Variants in LAMA5 observed in about 807,000 individuals in gnomAD.
LAMA5 encodes the protein laminin subunit alpha 5.
A neutral mutation model predicts 433.4 loss-of-function variants in LAMA5; 260 were observed. That is an observed-to-expected ratio of 0.60 (90% CI 0.54 to 0.66). LAMA5 has a LOEUF of 0.66. Ranked by LOEUF, LAMA5 falls within the 30% of genes least tolerant of loss-of-function variation. LAMA5 has a pLI of 0.00. For synonymous variants in LAMA5, 2,620 were observed against 2,226.6 expected, an observed-to-expected ratio of 1.18 and a Z score of -4.97; for missense variants, 5,378 against 5,258.5, an observed-to-expected ratio of 1.02 and a Z score of -0.70.
rs750555882 is a variant in LAMA5, at chr20:62,333,993, C to G, written c.2786G>C (p.Trp929Ser). The G allele has an allele frequency of 1.2e-5, 19 of 1,612,924 alleles. No individual in the cohort carries two copies. Among genetic ancestry groups the G allele is most frequent in the African/African-American group, 8.0e-5 (6 of 74,934 alleles). The change falls in exon 23 of 80, where the codon TGG (tryptophan) becomes TCG (serine). Residue 929 changes from tryptophan (W) to serine (S), a missense_variant. Coordinates refer to ENST00000252999, the MANE Select transcript of LAMA5 (RefSeq NM_005560.6). ...CCGGTTGACGTATCGGAAGACGAGC[C>G]AGAAAAGGTCAGGGGAGGTCAGGTT... Reference protein sequence around the residue: ...RLNLTSPDLFWLVFRYVNRGA... With the variant: ...RLNLTSPDLFSLVFRYVNRGA...
In LAMA5 at chr20:62,362,582, C is replaced by T. The variant is rs748830304; in HGVS notation, c.298-30G>A. ...AGAGGGAACGGGAGGGTCAGATAGC[C>T]GAGAAGGGCCGGGGCCCCCTTCCTC... On this transcript the variant is annotated intron_variant, in intron 1 of 79. Transcript: ENST00000252999. 2.6e-5 allele frequency: 38 copies of T among 1,474,316 alleles called. No homozygotes were observed. In the South Asian group the frequency reaches 4.1e-4, roughly 16 times the overall value. The allele number at this position is 1,474,316 out of a possible 1,614,324, so 91.3% of individuals were successfully genotyped here.
Position 62,337,650 on chromosome 20 carries a change from C to T in LAMA5, c.2104G>A (p.Val702Met), listed in dbSNP as rs760468601. ...RSGQCSCRPR[V>M]TGLRCDTCVP... ...CATGTGTCACACCGCAGCCCCGTCA[C>T]ACGGGGCCGGCAGCTGCACTGCCCA... is the stretch of plus-strand genomic sequence containing the variant. The change falls in exon 16 of 80, where the codon GTG (valine) becomes ATG (methionine). Residue 702 changes from valine (V) to methionine (M), a missense_variant. By Grantham distance (21) the Val-to-Met change is conservative. Coordinates refer to ENST00000252999, the MANE Select transcript of LAMA5 (RefSeq NM_005560.6). The T allele has an allele frequency of 6.2e-7, 1 of 1,612,224 alleles. No homozygotes were observed. The highest frequency in any genetic ancestry group is 1.3e-5 in the African/African-American group (1 of 74,942).
chr20:62,346,376 TG>T, intron 9 of LAMA5, 129 bp downstream of exon 9: 3 of 1,356,626 alleles, frequency 2.2e-6, no homozygotes, highest in Non-Finnish European at 3.0e-6. Flanking sequence ...CCCCGTGGCC[TG>T]GGAGGCTCCT....
rs1230711116 is a variant in LAMA5 at position 62,359,107 on chromosome 20, C to G, written c.450+3293G>C. Among the ~76,000 whole-genome samples, 1 of 152,212 alleles carries G rather than the reference C, an allele frequency of 6.6e-6. No homozygotes were observed. The highest frequency in any genetic ancestry group is 1.5e-5 in the Non-Finnish European group (1 of 68,024). On this transcript the variant is annotated intron_variant, in intron 2 of 79. Transcript: ENST00000252999. This position sits in a 1 kb window ranked among gnomAD's most constrained non-coding sequence, Gnocchi z 4.3. ...GGGGACTGGGACAAAGCCGCTACCC[C>G]ACCTGTAGCACCTGCAGCGTGGCCT...
At chr20:62,309,501 A>T in intron 79 of LAMA5, 26 bp from the exon 80 acceptor site, 1 of 1,550,176 alleles carries the variant, frequency 6.5e-7, no homozygotes, top group Non-Finnish European at 8.7e-7. Flanking sequence ...AGATGGAAGA[A>T]GGCTGGTTGG....
At chr20:62,364,400 G>A (rs972768241) in intron 1 of LAMA5, among the ~76,000 whole-genome samples, 1 of 152,192 alleles carries the variant, frequency 6.6e-6, no homozygotes, top group Non-Finnish European at 1.5e-5. Context: ...TGCGGGTCAA[G>A]GGTCAGCCTC....
At chr20:62,353,776 G>T (rs1467987897) in intron 2 of LAMA5, among the ~76,000 whole-genome samples, 8 of 152,082 alleles carry the variant, frequency 5.3e-5, no homozygotes, top group Admixed American at 5.2e-4. Context: ...TGGGGCCCCT[G>T]CCCCCACCTC....
intron 40 of LAMA5, among the ~76,000 whole-genome samples, chr20:62,326,290 T>C (rs974666316): frequency 2.0e-5 from 3 of 150,480 alleles, no homozygotes; most frequent in South Asian, 2.1e-4. Flanking sequence ...AGACGGTTGT[T>C]ACTCTGAAGT....
intron 6 of LAMA5, 57 bp downstream of exon 6, chr20:62,351,647 G>T: frequency 6.5e-7 from 1 of 1,544,110 alleles, no homozygotes; most frequent in South Asian, 1.2e-5. Context: ...GACAAGGACA[G>T]GCAGGGAGCT....
chr20:62,323,374 T>G (rs986837314), intron 45 of LAMA5, 82 bp downstream of exon 45: 2 of 1,154,970 alleles, frequency 1.7e-6, no homozygotes, highest in African/African-American at 3.1e-5. Flanking sequence ...GCACACAGCC[T>G]ACTTACGGGG....
chr20:62,339,224 A>T (rs1290162890), intron 11 of LAMA5, among the ~76,000 whole-genome samples: 3 of 139,304 alleles, frequency 2.2e-5, no homozygotes, highest in Non-Finnish European at 4.6e-5. Context: ...AAAACAAATT[A>T]TAGTTTCTTT....
chr20:62,309,629 G>A (rs1251951145), intron 79 of LAMA5, 87 bp downstream of exon 79: 1 of 550,794 alleles, frequency 1.8e-6, no homozygotes. Flanking sequence ...GGGGGCAGGG[G>A]GTGGAGGGGT....
Position 62,310,947 on chromosome 20 carries a change from G to T in LAMA5, c.10236C>A (p.Leu3412=). 2 of 1,611,354 alleles carry T rather than the reference G, an allele frequency of 1.2e-6. No individual in the cohort carries two copies. Among genetic ancestry groups the T allele is most frequent in the East Asian group, 4.5e-5 (2 of 44,866 alleles). ...VAQMEGLGTR[L]RAQSRQRSRP... ...GGGAGCGCTGGCGGCTCTGGGCGCG[G>T]AGCCGAGTCCCGAGGCCTTCCATCT... Residue 3412 remains leucine, a synonymous_variant, in exon 74 of 80, where the codon CTC becomes CTA. Transcript: ENST00000252999.
intron 54 of LAMA5, 38 bp downstream of exon 54, chr20:62,317,624 T>A: frequency 1.3e-6 from 2 of 1,523,982 alleles, no homozygotes; most frequent in Non-Finnish European, 1.8e-6. Flanking sequence ...GAGTTGGCCG[T>A]GGATGGGGTG....
rs756501781 is a variant in LAMA5, at chr20:62,327,524, C to T, written c.4938+5G>A. The T allele has an allele frequency of 1.2e-5, 20 of 1,612,740 alleles. No individual in the cohort carries two copies. The East Asian group carries it at 1.6e-4, about 13-fold the overall frequency. On this transcript the variant is annotated splice_donor_5th_base_variant and intron_variant, in intron 37 of 79. Transcript: ENST00000252999. Reference sequence around the variant, plus strand: ...AAGGCAATGCCCTCAGTCCTGCAGGCGCACCTCCTGGCGGGTGTAGGACGA... The same window carrying T: ...AAGGCAATGCCCTCAGTCCTGCAGGTGCACCTCCTGGCGGGTGTAGGACGA...
At chr20:62,336,585 G>T in intron 17 of LAMA5, 140 bp from the exon 18 acceptor site, 1 of 1,144,108 alleles carries the variant, frequency 8.7e-7, no homozygotes, top group Non-Finnish European at 1.3e-6. Context: ...TGCAGTGGGG[G>T]CAGAGGACCA....
intron 34 of LAMA5, 31 bp downstream of exon 34, chr20:62,328,813 C>T: frequency 6.2e-7 from 1 of 1,600,882 alleles, no homozygotes. Context: ...CAACTCCCTG[C>T]CACTGGGCGC....
chr20:62,332,314 G>A, intron 28 of LAMA5, 58 bp downstream of exon 28: 9 of 1,274,534 alleles, frequency 7.1e-6, no homozygotes, highest in Non-Finnish European at 1.0e-5. Flanking sequence ...TCTCATGCAT[G>A]TTTCAAATCT....
intron 11 of LAMA5, chr20:62,345,328 AT>A (rs374802968): frequency 0.15 from 18,345 of 124,934 alleles, 1,455 homozygotes; most frequent in Middle Eastern, 0.29. Context: ...TTTTTTTTCT[AT>A]TTTTTTTTTA....
Sources: allele counts gnomAD v4.1 joint callset (sites outside exome capture counted in the v4.1 genomes callset), GRCh38; gene constraint gnomAD v4.1.1; non-coding constraint Gnocchi (gnomAD v3.1); transcripts MANE v1.5; gene names NCBI Gene and HGNC (gene_info 2026-07-23, HGNC 2026-07-21).